SNTG1: variants seen among roughly 807,000 people sequenced by gnomAD.
SNTG1 encodes gamma-1-syntrophin.
A neutral mutation model predicts 74.7 loss-of-function variants in SNTG1; 39 were observed. That is an observed-to-expected ratio of 0.52 (90% CI 0.40 to 0.68). The LOEUF is 0.68. Among genes scored for constraint, SNTG1 ranks in the 30% least tolerant of loss-of-function variants. The probability of loss-of-function intolerance (pLI) is 0.00; values close to 1 mark genes in which losing one functional copy is unlikely to be tolerated. For synonymous variants in SNTG1, 254 were observed against 217.1 expected (o/e 1.17, Z -1.49); for missense variants, 685 against 609.5 (o/e 1.12, Z -1.30).
At chr8:50,203,727 T>C (rs922452252) in intron 2 of SNTG1, among the ~76,000 whole-genome samples, 1 of 151,984 alleles carries the variant, frequency 6.6e-6, no homozygotes, top group Non-Finnish European at 1.5e-5. Flanking sequence ...TTATTGTCAT[T>C]GCTATGTGGC....
At chr8:50,714,014 G>T (rs1480650970) in intron 17 of SNTG1, among the ~76,000 whole-genome samples, 2 of 141,732 alleles carry the variant, frequency 1.4e-5, no homozygotes, top group African/African-American at 5.3e-5. Context: ...AGTGGACATC[G>T]CACCACTGCA....
intron 9 of SNTG1, among the ~76,000 whole-genome samples, chr8:50,510,389 G>A (rs1199086354): frequency 2.0e-5 from 3 of 152,078 alleles, no homozygotes; most frequent in African/African-American, 4.8e-5. Flanking sequence ...TTTTTGTCGT[G>A]TCTCTGCCAG....
chr8:50,560,459 G>T (rs1382485601), intron 12 of SNTG1, among the ~76,000 whole-genome samples: 3 of 152,178 alleles, frequency 2.0e-5, no homozygotes, highest in African/African-American at 7.2e-5. Flanking sequence ...CAAGGACATT[G>T]AATCAACCCA....
chr8:50,582,374 A>G (rs2094615837), intron 12 of SNTG1, among the ~76,000 whole-genome samples: 1 of 152,200 alleles, frequency 6.6e-6, no homozygotes, highest in Non-Finnish European at 1.5e-5. Context: ...TAGAACTTAC[A>G]TTCTAGTGAG....
At chr8:50,340,937 C>T (rs959853328) in intron 2 of SNTG1, among the ~76,000 whole-genome samples, 1 of 151,910 alleles carries the variant, frequency 6.6e-6, no homozygotes, top group Non-Finnish European at 1.5e-5. Flanking sequence ...AATTGCTTCA[C>T]TTGTTCACAC....
At chr8:50,268,731 A>G (rs533663101) in intron 2 of SNTG1, among the ~76,000 whole-genome samples, 93 of 151,774 alleles carry the variant, frequency 6.1e-4, no homozygotes, top group African/African-American at 2.2e-3. Context: ...ATCTTGGTTC[A>G]CTACGACCTC....
At chr8:50,220,246 A>G (rs1047527117) in intron 2 of SNTG1, among the ~76,000 whole-genome samples, 10 of 152,154 alleles carry the variant, frequency 6.6e-5, no homozygotes, top group Non-Finnish European at 1.3e-4. Flanking sequence ...GCTGTCTTTA[A>G]TGTCGATAGG....
intron 13 of SNTG1, 78 bp downstream of exon 13, chr8:50,590,995 AT>A: frequency 1.0e-6 from 1 of 993,352 alleles, no homozygotes; most frequent in Non-Finnish European, 1.4e-6. Flanking sequence ...ACGTTACCTG[AT>A]TTCTAGACAG....
intron 2 of SNTG1, among the ~76,000 whole-genome samples, chr8:50,385,104 G>T (rs1398533917): frequency 6.6e-6 from 1 of 152,158 alleles, no homozygotes; most frequent in South Asian, 2.1e-4. Context: ...GCTCTAAACA[G>T]CATCCCTGTC....
chr8:50,640,852 C>T (rs1025970465), intron 13 of SNTG1, among the ~76,000 whole-genome samples: 2 of 152,106 alleles, frequency 1.3e-5, no homozygotes, highest in African/African-American at 2.4e-5. Flanking sequence ...TAGAGTGATA[C>T]CTTCAAACCT....
intron 8 of SNTG1, 97 bp downstream of exon 8, chr8:50,450,826 T>G: frequency 8.1e-7 from 1 of 1,241,532 alleles, no homozygotes; most frequent in Non-Finnish European, 1.1e-6. Flanking sequence ...TAGGCAGATA[T>G]GACATTTATC....
At chr8:50,660,151 T>G (rs2095210720) in intron 15 of SNTG1, among the ~76,000 whole-genome samples, 1 of 151,172 alleles carries the variant, frequency 6.6e-6, no homozygotes, top group African/African-American at 2.4e-5. Flanking sequence ...AACTGTGTAT[T>G]TTTAGGAAAG....
At chr8:49,973,527 A>G (rs185836235) in intron 1 of SNTG1, among the ~76,000 whole-genome samples, 1 of 152,266 alleles carries the variant, frequency 6.6e-6, no homozygotes, top group Non-Finnish European at 1.5e-5. Flanking sequence ...AAAAAAAAAA[A>G]AAGAAAAGAG....
intron 8 of SNTG1, among the ~76,000 whole-genome samples, chr8:50,451,672 G>C (rs1209936437): frequency 4.6e-5 from 7 of 152,098 alleles, no homozygotes; most frequent in Non-Finnish European, 7.4e-5. Flanking sequence ...CAGGGATGTG[G>C]ATTTTAGCAA....
At chr8:50,217,526 C>T (rs1315565122) in intron 2 of SNTG1, among the ~76,000 whole-genome samples, 1 of 152,000 alleles carries the variant, frequency 6.6e-6, no homozygotes, top group Non-Finnish European at 1.5e-5. Context: ...TGAAAATAGG[C>T]CAATAGCAGA....
chr8:49,993,546 C>T (rs1188345928), intron 1 of SNTG1, among the ~76,000 whole-genome samples: 1 of 152,080 alleles, frequency 6.6e-6, no homozygotes, highest in African/African-American at 2.4e-5. Context: ...TACTAATGCT[C>T]TCCTCTCCTT....
At chr8:50,088,339 T>G (rs1357632691) in intron 1 of SNTG1, among the ~76,000 whole-genome samples, 1 of 140,874 alleles carries the variant, frequency 7.1e-6, no homozygotes, top group Non-Finnish European at 1.5e-5. Flanking sequence ...CTTTGAAAAC[T>G]GGCACAAGAC....
intron 15 of SNTG1, among the ~76,000 whole-genome samples, chr8:50,662,475 G>T (rs922103976): frequency 6.6e-6 from 1 of 152,168 alleles, no homozygotes; most frequent in African/African-American, 2.4e-5. Context: ...GTCAGTTATT[G>T]TTATTCCCAT....
rs1348878636 is a variant in SNTG1, at chr8:50,266,672, G to GTATA, written c.-28+94038_-28+94039insATAT. 6.9e-4 allele frequency among the ~76,000 whole-genome samples: 89 copies of GTATA among 129,352 alleles called. 2 individuals carry two copies. Among genetic ancestry groups the GTATA allele is most frequent in the South Asian group, 6.8e-3 (27 of 3,990 alleles). 84.9% of individuals were successfully genotyped at this position (129,352 alleles called of 152,430 possible). On this transcript the variant is annotated intron_variant, in intron 2 of 18. Coordinates refer to ENST00000642720, the MANE Select transcript of SNTG1 (RefSeq NM_018967.5). ...TGTGTGTGTGTGTGTGTGTGTGTGT[G>GTATA]TGTGTGTGTGTGTATATATATATAT...
Sources: allele counts gnomAD v4.1 joint callset (sites outside exome capture counted in the v4.1 genomes callset), GRCh38; gene constraint gnomAD v4.1.1; transcripts MANE v1.5; gene names NCBI Gene and HGNC (gene_info 2026-07-23, HGNC 2026-07-21).